Variants in DSCAM observed in about 807,000 individuals in gnomAD.
DSCAM encodes the protein cell adhesion molecule DSCAM.
DSCAM carries 47 observed loss-of-function variants against 217.7 expected under a neutral mutation model. The observed-to-expected ratio is 0.22, with a 90% CI of 0.17 to 0.28. The LOEUF (loss-of-function observed/expected upper bound fraction) is 0.28, where lower values mean the gene tolerates loss of function less well. Ranked by LOEUF, DSCAM falls within the 10% of genes least tolerant of loss-of-function variation. The pLI, the probability that DSCAM is intolerant of heterozygous loss-of-function variation, is 1.00. For missense variants in DSCAM, 2,080 were observed against 2,618.3 expected (o/e 0.79, Z 4.49); for synonymous variants, 1,056 against 1,015.3 (o/e 1.04, Z -0.76).
chr21:40,820,783 A>G (rs1167895753), intron 1 of DSCAM, among the ~76,000 whole-genome samples: 6 of 152,174 alleles, frequency 3.9e-5, no homozygotes, highest in Non-Finnish European at 7.4e-5. Context: ...GCCTAACTCC[A>G]TTCAAGATTT....
At chr21:40,576,410 A>G (rs919083559) in intron 3 of DSCAM, among the ~76,000 whole-genome samples, 1 of 152,328 alleles carries the variant, frequency 6.6e-6, no homozygotes, top group Middle Eastern at 3.4e-3. Context: ...AGGCTGGGAC[A>G]CTGATAATTA....
At chr21:40,080,029 A>G (rs1179649984) in intron 25 of DSCAM, 123 bp downstream of exon 25, 19 of 910,546 alleles carry the variant, frequency 2.1e-5, no homozygotes, top group Non-Finnish European at 3.0e-5. Flanking sequence ...TGCTGAAGCC[A>G]TGTGAGGAAT....
intron 15 of DSCAM, among the ~76,000 whole-genome samples, chr21:40,178,462 T>C (rs972075277): frequency 1.3e-5 from 2 of 152,198 alleles, no homozygotes; most frequent in Admixed American, 6.5e-5. Context: ...TTGATGTTTC[T>C]AGTCAATAAA....
At chr21:40,687,885 G>C (rs752842383) in intron 3 of DSCAM, among the ~76,000 whole-genome samples, 1 of 152,256 alleles carries the variant, frequency 6.6e-6, no homozygotes, top group Non-Finnish European at 1.5e-5. Flanking sequence ...GCTTCTTAAA[G>C]CCCAAGTCTT....
Position 40,016,975 on chromosome 21 carries a change from A to G in DSCAM, c.5687-3589T>C, listed in dbSNP as rs757835273. ...TACTGAAAATAGAAAAATCAGCTGGACGTGGTGGTACACGCCTGTAATCCC... is the reference window on the plus strand; with the variant it reads ...TACTGAAAATAGAAAAATCAGCTGGGCGTGGTGGTACACGCCTGTAATCCC... On this transcript the variant is annotated intron_variant, in intron 32 of 32. Transcript: ENST00000400454. The surrounding 1 kb of genome is among the most constrained non-coding windows in gnomAD (Gnocchi z 4.3). Among the ~76,000 whole-genome samples the G allele has an allele frequency of 1.6e-4, 24 of 152,022 alleles. No individual in the cohort carries two copies. The highest frequency in any genetic ancestry group is 2.4e-4 in the African/African-American group (10 of 41,406).
intron 1 of DSCAM, among the ~76,000 whole-genome samples, chr21:40,723,885 C>G (rs929020753): frequency 6.6e-6 from 1 of 151,972 alleles, no homozygotes; most frequent in Non-Finnish European, 1.5e-5. Context: ...TATTTTGCAA[C>G]AAGAAGGAAA....
At chr21:40,555,940 A>G (rs1309751393) in intron 3 of DSCAM, among the ~76,000 whole-genome samples, 1 of 152,156 alleles carries the variant, frequency 6.6e-6, no homozygotes, top group African/African-American at 2.4e-5. Context: ...TATACAGCTC[A>G]ACTGAGGTAG....
chr21:40,768,819 T>C (rs1376372511), intron 1 of DSCAM, among the ~76,000 whole-genome samples: 1 of 152,180 alleles, frequency 6.6e-6, no homozygotes, highest in Non-Finnish European at 1.5e-5. Context: ...GAACAGAAGT[T>C]GAGCACCAGA....
At chr21:40,517,402 GC>G (rs2076310808) in intron 3 of DSCAM, among the ~76,000 whole-genome samples, 1 of 82,558 alleles carries the variant, frequency 1.2e-5, no homozygotes, top group Non-Finnish European at 2.2e-5. Flanking sequence ...ACACACACAA[GC>G]AACACACACA....
intron 27 of DSCAM, among the ~76,000 whole-genome samples, chr21:40,070,450 A>G (rs962983461): frequency 7.2e-5 from 11 of 152,220 alleles, no homozygotes; most frequent in Non-Finnish European, 1.3e-4. Context: ...AGAGAAAGAA[A>G]GAAAGAAAAC....
intron 12 of DSCAM, among the ~76,000 whole-genome samples, chr21:40,188,332 AT>A (rs890725784): frequency 1.7e-4 from 25 of 150,534 alleles, no homozygotes; most frequent in Admixed American, 2.0e-4. Flanking sequence ...CCACATATAC[AT>A]TTTTTTTTTC....
intron 3 of DSCAM, among the ~76,000 whole-genome samples, chr21:40,472,413 A>C (rs1200428986): frequency 6.6e-6 from 1 of 152,204 alleles, no homozygotes; most frequent in Non-Finnish European, 1.5e-5. Flanking sequence ...ACTAAAGAAA[A>C]CTTTTAGGAA....
intron 3 of DSCAM, among the ~76,000 whole-genome samples, chr21:40,633,851 G>T (rs1199516482): frequency 6.6e-6 from 1 of 152,184 alleles, no homozygotes; most frequent in Admixed American, 6.5e-5. Context: ...GAAAACACAA[G>T]GTTGTCTTTT....
At chr21:40,149,677 A>G (rs1258664763) in intron 16 of DSCAM, among the ~76,000 whole-genome samples, 3 of 146,428 alleles carry the variant, frequency 2.0e-5, no homozygotes, top group Non-Finnish European at 4.5e-5. Context: ...CACTATCCCA[A>G]CACCACCATC....
At chr21:40,029,948 A>T (rs1032606029) in intron 32 of DSCAM, among the ~76,000 whole-genome samples, 13 of 152,270 alleles carry the variant, frequency 8.5e-5, no homozygotes, top group African/African-American at 2.2e-4. Context: ...TAAATATTAT[A>T]CTAAGGGTCT....
At chr21:40,193,858 A>G (rs1463234061) in intron 11 of DSCAM, among the ~76,000 whole-genome samples, 2 of 152,132 alleles carry the variant, frequency 1.3e-5, no homozygotes, top group South Asian at 2.1e-4. Flanking sequence ...CTATATTCCA[A>G]TGAGAGCAAG....
intron 1 of DSCAM, among the ~76,000 whole-genome samples, chr21:40,730,961 A>AT (rs2091005421): frequency 6.6e-6 from 1 of 152,206 alleles, no homozygotes; most frequent in Non-Finnish European, 1.5e-5. Flanking sequence ...CTAAAGACCT[A>AT]TTTTTATGTT....
At chr21:40,475,109 T>G (rs1164307215) in intron 3 of DSCAM, among the ~76,000 whole-genome samples, 1 of 152,192 alleles carries the variant, frequency 6.6e-6, no homozygotes, top group African/African-American at 2.4e-5. Context: ...AGCAAGATGC[T>G]CCACCCTCCT....
intron 3 of DSCAM, among the ~76,000 whole-genome samples, chr21:40,390,705 C>T (rs534109393): frequency 6.6e-6 from 1 of 152,244 alleles, no homozygotes; most frequent in South Asian, 2.1e-4. Flanking sequence ...CAATCTCCAC[C>T]TCTATCTTCA....
Sources: gnomAD v4.1 joint callset for allele counts (sites outside exome capture counted in the v4.1 genomes callset) on GRCh38, gnomAD v4.1.1 for gene constraint, Gnocchi (gnomAD v3.1) non-coding constraint, MANE v1.5 for transcripts, NCBI Gene and HGNC (gene_info 2026-07-23, HGNC 2026-07-21) for gene names.